Variants in BRINP3 observed in about 807,000 individuals in gnomAD.
BRINP3 encodes BMP/retinoic acid-inducible neural-specific protein 3.
In BRINP3, 19 loss-of-function variants were observed where a neutral mutation model predicts 71.0. That is an observed-to-expected ratio of 0.27 (90% CI 0.19 to 0.39). The LOEUF (loss-of-function observed/expected upper bound fraction) is 0.39. BRINP3 is among the 10% of genes least tolerant of loss of function. The pLI is 1.00. For synonymous variants in BRINP3, 380 were observed against 337.7 expected, an observed-to-expected ratio of 1.13 and a Z score of -1.37; for missense variants, 959 against 940.8, an observed-to-expected ratio of 1.02 and a Z score of -0.25.
chr1:190,119,681 A>T (rs1332403774), intron 7 of BRINP3, among the ~76,000 whole-genome samples: 2 of 152,218 alleles, frequency 1.3e-5, no homozygotes, highest in African/African-American at 4.8e-5. Context: ...TGAACTGTTA[A>T]GGCATTTTAT....
In BRINP3 at chr1:190,098,357, A is replaced by C. The variant is rs367927798; in HGVS notation, c.1962T>G (p.Pro654=). 4 of 1,614,050 alleles carry C rather than the reference A, an allele frequency of 2.5e-6. No individual in the cohort carries two copies. The highest frequency in any genetic ancestry group is 2.7e-5 in the African/African-American group (2 of 74,916). Residue 654 remains proline, a synonymous_variant, in exon 8 of 8, where the codon CCT becomes CCG. Coordinates refer to ENST00000367462, the MANE Select transcript of BRINP3 (RefSeq NM_199051.3). ...TTTTCATATAGCCCAGGTTCCGGGA[A>C]GGGTCAATAAACTCCAGAGGTTCAT... is the stretch of plus-strand genomic sequence containing the variant. The part of the protein sequence containing the change: ...IYYEPLEFID[P]SRNLGYMKIN...
At chr1:190,112,649 C>T (rs1652791274) in intron 7 of BRINP3, among the ~76,000 whole-genome samples, 1 of 152,078 alleles carries the variant, frequency 6.6e-6, no homozygotes, top group Admixed American at 6.6e-5. Flanking sequence ...TCAAAAGTCT[C>T]CCTTTAGTGT....
intron 6 of BRINP3, among the ~76,000 whole-genome samples, chr1:190,174,053 C>T (rs904247025): frequency 2.0e-5 from 3 of 152,100 alleles, no homozygotes; most frequent in Non-Finnish European, 4.4e-5. Flanking sequence ...TCTCAGGGAC[C>T]AGCAGATTTC....
chr1:190,428,388 A>T (rs1673862950), intron 2 of BRINP3, among the ~76,000 whole-genome samples: 1 of 151,934 alleles, frequency 6.6e-6, no homozygotes, highest in South Asian at 2.1e-4. Flanking sequence ...GATGCCTTCT[A>T]GTTCTATCTC....
In BRINP3 at chr1:190,240,618, C is replaced by G. The variant is rs550889623; in HGVS notation, c.619-6141G>C. On this transcript the variant is annotated intron_variant, in intron 4 of 7. Transcript: ENST00000367462. ...GGTGTGATTGCTCAAGCATGTAATC[C>G]CAGCACTTTGGGAGGCCGAGGAGGG... Among the ~76,000 whole-genome samples, 174 of 151,710 alleles carry G rather than the reference C, an allele frequency of 1.1e-3. 6 individuals are homozygous for G. In the South Asian group the frequency reaches 0.036, roughly 31 times the overall value.
chr1:190,428,272 T>C (rs569378542), intron 2 of BRINP3, among the ~76,000 whole-genome samples: 1 of 152,092 alleles, frequency 6.6e-6, no homozygotes, highest in African/African-American at 2.4e-5. Flanking sequence ...TTTTAAGCCA[T>C]TAAGTTTGTA....
intron 7 of BRINP3, among the ~76,000 whole-genome samples, chr1:190,147,468 A>G (rs1655991527): frequency 6.6e-6 from 1 of 152,164 alleles, no homozygotes; most frequent in Non-Finnish European, 1.5e-5. Flanking sequence ...AAGACACTTT[A>G]TATATATGAA....
intron 2 of BRINP3, among the ~76,000 whole-genome samples, chr1:190,326,300 A>G (rs993536006): frequency 1.2e-4 from 19 of 152,248 alleles, no homozygotes; most frequent in African/African-American, 4.6e-4. Flanking sequence ...AAGTGACCAA[A>G]GCAATGAATT....
chr1:190,234,491 C>T lies in BRINP3; in HGVS notation c.619-14G>A, dbSNP rs746683606. The T allele has an allele frequency of 1.9e-6, 3 of 1,585,376 alleles. No individual in the cohort carries two copies. Among genetic ancestry groups the T allele is most frequent in the Admixed American group, 3.3e-5 (2 of 59,740 alleles). On this transcript the variant is annotated splice_polypyrimidine_tract_variant and intron_variant, in intron 4 of 7. Coordinates refer to ENST00000367462, the MANE Select transcript of BRINP3 (RefSeq NM_199051.3). ...TGTTTCTGTTACCTGGCAAACAAAA[C>T]ATCAACTTTATTATCTAAATCAGAC... is the stretch of plus-strand genomic sequence containing the variant.
intron 6 of BRINP3, among the ~76,000 whole-genome samples, chr1:190,225,453 T>G (rs12130069): frequency 6.6e-6 from 1 of 151,436 alleles, no homozygotes; most frequent in Non-Finnish European, 1.5e-5. Context: ...AGATAGAGAG[T>G]AGAACGGTGG....
intron 6 of BRINP3, among the ~76,000 whole-genome samples, chr1:190,208,421 A>G (rs1296671793): frequency 1.3e-5 from 2 of 152,066 alleles, no homozygotes; most frequent in Non-Finnish European, 2.9e-5. Flanking sequence ...TCCTTATGTA[A>G]TAATAGCACT....
intron 2 of BRINP3, among the ~76,000 whole-genome samples, chr1:190,349,227 A>G (rs923547001): frequency 6.6e-6 from 1 of 152,124 alleles, no homozygotes; most frequent in African/African-American, 2.4e-5. Flanking sequence ...CAATTTTTAA[A>G]GAACACACCA....
intron 2 of BRINP3, among the ~76,000 whole-genome samples, chr1:190,381,015 T>C (rs1670513316): frequency 6.6e-6 from 1 of 152,060 alleles, no homozygotes; most frequent in Admixed American, 6.6e-5. Context: ...TCAAAAATAC[T>C]AGATGACTTC....
intron 7 of BRINP3, among the ~76,000 whole-genome samples, chr1:190,136,970 G>A (rs1363634592): frequency 6.6e-6 from 1 of 151,974 alleles, no homozygotes; most frequent in Non-Finnish European, 1.5e-5. Context: ...CTGGGGTATG[G>A]TAATTAATCA....
intron 2 of BRINP3, among the ~76,000 whole-genome samples, chr1:190,423,848 T>C (rs1389452742): frequency 6.6e-6 from 1 of 151,706 alleles, no homozygotes; most frequent in Non-Finnish European, 1.5e-5. Flanking sequence ...TACATTACAT[T>C]ATTTTTCTCT....
At chr1:190,113,665 A>T (rs1486231773) in intron 7 of BRINP3, among the ~76,000 whole-genome samples, 1 of 152,228 alleles carries the variant, frequency 6.6e-6, no homozygotes, top group African/African-American at 2.4e-5. Context: ...ATAAATGAGA[A>T]AGCTGAAATA....
intron 6 of BRINP3, among the ~76,000 whole-genome samples, chr1:190,163,032 C>T (rs979052527): frequency 2.0e-5 from 3 of 152,084 alleles, no homozygotes; most frequent in Non-Finnish European, 4.4e-5. Flanking sequence ...AAACTAACAT[C>T]TTCAGTATCT....
chr1:190,317,034 T>G (rs1237605904), intron 2 of BRINP3, among the ~76,000 whole-genome samples: 2 of 151,610 alleles, frequency 1.3e-5, no homozygotes, highest in Non-Finnish European at 2.9e-5. Flanking sequence ...TAGCCGGGCA[T>G]GATGGTGGGT....
intron 7 of BRINP3, among the ~76,000 whole-genome samples, chr1:190,102,860 G>C (rs1271866994): frequency 6.6e-6 from 1 of 151,952 alleles, no homozygotes; most frequent in East Asian, 1.9e-4. Context: ...ATTATGAGCA[G>C]AAAAATATCT....
Sources: allele counts gnomAD v4.1 joint callset (sites outside exome capture counted in the v4.1 genomes callset), GRCh38; gene constraint gnomAD v4.1.1; transcripts MANE v1.5; gene names NCBI Gene and HGNC (gene_info 2026-07-23, HGNC 2026-07-21).